Variants in CELSR1 observed in about 807,000 individuals in gnomAD.
CELSR1 encodes the protein cadherin EGF LAG seven-pass G-type receptor 1, also known as adhesion G protein-coupled receptor C1.
In CELSR1, 110 loss-of-function variants were observed where a neutral mutation model predicts 249.1. The ratio of observed to expected loss-of-function variants is 0.44; its 90% confidence interval spans 0.38 to 0.52. The LOEUF (loss-of-function observed/expected upper bound fraction) is 0.52, where lower values mean the gene tolerates loss of function less well. Among genes scored for constraint, CELSR1 ranks in the 20% least tolerant of loss-of-function variants. The pLI is 0.00. For synonymous variants in CELSR1, 2,113 were observed against 1,900.0 expected, an observed-to-expected ratio of 1.11 and a Z score of -2.92; for missense variants, 4,109 against 4,296.4, an observed-to-expected ratio of 0.96 and a Z score of 1.22.
intron 2 of CELSR1, among the ~76,000 whole-genome samples, chr22:46,452,520 C>A (rs1383577753): frequency 6.6e-6 from 1 of 152,202 alleles, no homozygotes; most frequent in East Asian, 1.9e-4. Context: ...GGGCGGTCAG[C>A]CCTGCTGATC....
intron 2 of CELSR1, among the ~76,000 whole-genome samples, chr22:46,452,754 A>T (rs6520013): frequency 2.0e-5 from 3 of 152,192 alleles, no homozygotes; most frequent in Non-Finnish European, 4.4e-5. Context: ...TCCTACCTAG[A>T]GGGGACAGGG....
rs2147627561 is a variant in CELSR1 at position 46,472,516 on chromosome 22, G to T, written c.3545-8171C>A. Among the ~76,000 whole-genome samples the T allele has an allele frequency of 6.6e-6, 1 of 152,322 alleles. No homozygotes were observed. The highest frequency in any genetic ancestry group is 6.5e-5 in the Admixed American group (1 of 15,294). On this transcript the variant is annotated intron_variant, in intron 1 of 34. Coordinates refer to ENST00000674500, the MANE Select transcript of CELSR1 (RefSeq NM_001378328.1). The surrounding 1 kb of genome is among the most constrained non-coding windows in gnomAD (Gnocchi z 7.0). ...ACGGCCCCGGGAGACAGGGGAGTAG[G>T]TTTCCTGGGAAGAATGGAGTTTGCC... is the stretch of plus-strand genomic sequence containing the variant.
In CELSR1 at chr22:46,490,535, C is replaced by G. The variant is rs544337726; in HGVS notation, c.3545-26190G>C. 1.2e-4 allele frequency among the ~76,000 whole-genome samples: 18 copies of G among 152,162 alleles called. No individual in the cohort carries two copies. The South Asian group carries it at 2.5e-3, about 21-fold the overall frequency. ...CTCCTGACCGCAGGCGAGCCGCCCC[C>G]CTCCGCCTCCCAAAATGTTGAGATC... On this transcript the variant is annotated intron_variant, in intron 1 of 34. Coordinates refer to ENST00000674500, the MANE Select transcript of CELSR1 (RefSeq NM_001378328.1). This position sits in a 1 kb window ranked among gnomAD's most constrained non-coding sequence, Gnocchi z 5.2.
In CELSR1 at chr22:46,471,195, T is replaced by C. The variant is rs2080152002; in HGVS notation, c.3545-6850A>G. On this transcript the variant is annotated intron_variant, in intron 1 of 34. Transcript: ENST00000674500. This position sits in a 1 kb window ranked among gnomAD's most constrained non-coding sequence, Gnocchi z 4.9. The stretch of plus-strand genomic sequence containing the variant: ...ACAAAACAAAAAAAATGTTTCTACA[T>C]GAGCCCAGAGAGCTATCGGCACTGT... 6.6e-6 allele frequency among the ~76,000 whole-genome samples: 1 copy of C among 152,298 alleles called. No homozygotes were observed. The highest frequency in any genetic ancestry group is 2.1e-4 in the South Asian group (1 of 4,826).
chr22:46,515,918 C>T (rs533513331), intron 1 of CELSR1, among the ~76,000 whole-genome samples: 2 of 152,326 alleles, frequency 1.3e-5, no homozygotes, highest in South Asian at 4.1e-4. Context: ...TATCATCTCA[C>T]ACCAGTTACA....
Position 46,411,755 on chromosome 22 carries a change from T to C in CELSR1, c.4616A>G (p.Asn1539Ser). The C allele has an allele frequency of 3.7e-6, 6 of 1,614,058 alleles. No homozygotes were observed. The highest frequency in any genetic ancestry group is 5.1e-6 in the Non-Finnish European group (6 of 1,180,042). The change falls in exon 6 of 35, where the codon AAT becomes AGT. Residue 1539 changes from asparagine to serine, a missense_variant. This residue lies in a region of CELSR1 where 453 missense variants were observed against 492.0 expected (regional missense o/e 0.92). Coordinates refer to ENST00000674500, the MANE Select transcript of CELSR1 (RefSeq NM_001378328.1). The surrounding 1 kb of genome is among the most constrained non-coding windows in gnomAD (Gnocchi z 4.2). ...ATGGGGCAGGCCCAGGTGGCCAATA[T>C]TGGGCTGTAAGAAGAGAAAGCACAG... ...SVQVQYYNKP[N>S]IGHLGLPHGP...
chr22:46,535,726 T>G lies in CELSR1; in HGVS notation c.1445A>C (p.Gln482Pro). The change falls in exon 1 of 35, where the codon CAG becomes CCG. Residue 482 changes from glutamine to proline, a missense_variant. Gln to Pro is a moderately conservative substitution (Grantham distance 76). This residue lies in a region of CELSR1 where 135 missense variants were observed against 190.0 expected (regional missense o/e 0.71). Transcript: ENST00000674500. ...VGLNTAVLRV[Q>P]ATDRDQGQNA... is the part of the protein sequence containing the mutation. ...CTGGCCCTGGTCCCGGTCCGTGGCCTGCACTCGCAGCACAGCCGTGTTGAG... is the reference window on the plus strand; with the variant it reads ...CTGGCCCTGGTCCCGGTCCGTGGCCGGCACTCGCAGCACAGCCGTGTTGAG... The G allele has an allele frequency of 6.2e-7, 1 of 1,612,644 alleles. No individual in the cohort carries two copies.
At position 46,380,762 on chromosome 22, in the gene CELSR1, C is replaced by A; in HGVS notation, c.7256+26G>T. 6.2e-7 allele frequency: 1 copy of A among 1,605,758 alleles called. No individual in the cohort carries two copies. Among genetic ancestry groups the A allele is most frequent in the Non-Finnish European group, 8.5e-7 (1 of 1,175,504 alleles). On this transcript the variant is annotated intron_variant, in intron 22 of 34. Coordinates refer to ENST00000674500, the MANE Select transcript of CELSR1 (RefSeq NM_001378328.1). This position sits in a 1 kb window ranked among gnomAD's most constrained non-coding sequence, Gnocchi z 5.1. Reference sequence around the variant, plus strand: ...GCACTCTGCCTTGGCAAAGCCCTCACATGGGGCTCCTGGCGTCACACTTAC... The same window carrying A: ...GCACTCTGCCTTGGCAAAGCCCTCAAATGGGGCTCCTGGCGTCACACTTAC...
At position 46,429,403 on chromosome 22, in the gene CELSR1, C is replaced by T. The variant is rs914794879; in HGVS notation, c.4611+3990G>A. ...TGAAGCAACGACTGAAAATGCTCCA[C>T]TCGGCCCCAAACCTCCCGGCGTGGC... On this transcript the variant is annotated intron_variant, in intron 5 of 34. Transcript: ENST00000674500. This position sits in a 1 kb window ranked among gnomAD's most constrained non-coding sequence, Gnocchi z 4.1. Among the ~76,000 whole-genome samples, 3 of 152,224 alleles carry T rather than the reference C, an allele frequency of 2.0e-5. No individual in the cohort carries two copies. The highest frequency in any genetic ancestry group is 4.4e-5 in the Non-Finnish European group (3 of 68,044).
chr22:46,415,447 C>A (rs895439713), intron 5 of CELSR1, among the ~76,000 whole-genome samples: 1 of 152,096 alleles, frequency 6.6e-6, no homozygotes, highest in Non-Finnish European at 1.5e-5. Flanking sequence ...ACCGTACCAT[C>A]CAGCCTGGGT....
At chr22:46,368,074 G>A (rs763264371) in intron 27 of CELSR1, among the ~76,000 whole-genome samples, 3 of 152,192 alleles carry the variant, frequency 2.0e-5, no homozygotes, top group Non-Finnish European at 2.9e-5. Flanking sequence ...AGTGGGGGTG[G>A]TGGTGGAATA....
rs1026905315 is a variant in CELSR1 at position 46,433,882 on chromosome 22, A to G, written c.4523-401T>C. Among the ~76,000 whole-genome samples, 6 of 152,006 alleles carry G rather than the reference A, an allele frequency of 3.9e-5. No individual in the cohort carries two copies. The highest frequency in any genetic ancestry group is 1.5e-4 in the African/African-American group (6 of 41,378). On this transcript the variant is annotated intron_variant, in intron 4 of 34. Coordinates refer to ENST00000674500, the MANE Select transcript of CELSR1 (RefSeq NM_001378328.1). The surrounding 1 kb of genome is among the most constrained non-coding windows in gnomAD (Gnocchi z 5.7). Reference sequence around the variant, plus strand: ...GTATTTTTAGTAGAGATGGGGTTTCACCATGTTGGCTAGTCTAGTCTCGAA... The same window carrying G: ...GTATTTTTAGTAGAGATGGGGTTTCGCCATGTTGGCTAGTCTAGTCTCGAA...
At chr22:46,392,482 A>T (rs1602069061) in intron 14 of CELSR1, among the ~76,000 whole-genome samples, 1 of 152,362 alleles carries the variant, frequency 6.6e-6, no homozygotes, top group South Asian at 2.1e-4. Flanking sequence ...AGATGCTAAA[A>T]CACTAACAAT....
chr22:46,455,926 C>T (rs1012611202), intron 2 of CELSR1, among the ~76,000 whole-genome samples: 10 of 152,210 alleles, frequency 6.6e-5, no homozygotes, highest in Admixed American at 6.5e-5. Flanking sequence ...GTACCAGGGA[C>T]ATGGCAAATC....
chr22:46,521,469 C>T (rs189720377), intron 1 of CELSR1, among the ~76,000 whole-genome samples: 76 of 151,366 alleles, frequency 5.0e-4, no homozygotes, highest in African/African-American at 1.8e-3. Flanking sequence ...CGCGCCACTG[C>T]ACTCCAGCCT....
chr22:46,496,729 A>T (rs2079438344), intron 1 of CELSR1, among the ~76,000 whole-genome samples: 3 of 151,956 alleles, frequency 2.0e-5, no homozygotes, highest in Admixed American at 2.0e-4. Flanking sequence ...TTCCACCTCC[A>T]TATCTTGTCC....
intron 9 of CELSR1, among the ~76,000 whole-genome samples, chr22:46,400,915 G>C (rs1462358584): frequency 1.3e-4 from 20 of 151,500 alleles, no homozygotes; most frequent in Non-Finnish European, 2.1e-4. Flanking sequence ...TAGCACTACT[G>C]TACTTCGACT....
intron 1 of CELSR1, among the ~76,000 whole-genome samples, chr22:46,478,973 C>G (rs2080239147): frequency 6.6e-6 from 1 of 151,900 alleles, no homozygotes; most frequent in Non-Finnish European, 1.5e-5. Flanking sequence ...CAGGAACGAC[C>G]AGGGCCAGTC....
At chr22:46,525,862 C>T (rs1455475139) in intron 1 of CELSR1, among the ~76,000 whole-genome samples, 3 of 152,246 alleles carry the variant, frequency 2.0e-5, no homozygotes, top group East Asian at 1.9e-4. Context: ...CCTTCAGCAG[C>T]GACACTGGGG....
Sources: gnomAD v4.1 joint callset for allele counts (sites outside exome capture counted in the v4.1 genomes callset) on GRCh38, gnomAD v4.1.1 for gene constraint, gnomAD v4.1.1 regional missense constraint, Gnocchi (gnomAD v3.1) non-coding constraint, MANE v1.5 for transcripts, NCBI Gene and HGNC (gene_info 2026-07-23, HGNC 2026-07-21) for gene names.